SLC14A2: variants seen among roughly 807,000 people sequenced by gnomAD.
The protein encoded by SLC14A2 is urea transporter 2.
SLC14A2 carries 91 observed loss-of-function variants against 104.6 expected under a neutral mutation model. That is an observed-to-expected ratio of 0.87 (90% CI 0.73 to 1.04). The LOEUF is 1.04. Among genes scored for constraint, SLC14A2 ranks in the 50% least tolerant of loss-of-function variants. The probability of loss-of-function intolerance (pLI) is 0.00; values close to 1 mark genes in which losing one functional copy is unlikely to be tolerated. For missense variants in SLC14A2, 1,189 were observed against 1,156.0 expected (o/e 1.03, Z -0.41); for synonymous variants, 476 against 466.4 (o/e 1.02, Z -0.27).
At chr18:45,345,857 A>T (rs1245662580) in intron 1 of SLC14A2, among the ~76,000 whole-genome samples, 3 of 152,234 alleles carry the variant, frequency 2.0e-5, no homozygotes, top group Non-Finnish European at 4.4e-5. Flanking sequence ...AATATAGAAA[A>T]TGTGCATATT....
upstream of SLC14A2, among the ~76,000 whole-genome samples, chr18:45,613,920 A>C (rs2045015886): frequency 6.6e-6 from 1 of 152,250 alleles, no homozygotes; most frequent in Non-Finnish European, 1.5e-5. Flanking sequence ...GGAGAAATTC[A>C]AGCTGGCTGC....
At chr18:45,219,045 G>A (rs1010498045) in intron 1 of SLC14A2, among the ~76,000 whole-genome samples, 2 of 152,092 alleles carry the variant, frequency 1.3e-5, no homozygotes, top group Admixed American at 1.3e-4. Flanking sequence ...AAAAGTCAGG[G>A]CATCTGAAAA....
intron 18 of SLC14A2, among the ~76,000 whole-genome samples, chr18:45,678,150 T>C (rs1476961282): frequency 6.6e-6 from 1 of 152,168 alleles, no homozygotes; most frequent in Admixed American, 6.5e-5. Flanking sequence ...CATCTACTCT[T>C]CCACCTTGAA....
intron 1 of SLC14A2, among the ~76,000 whole-genome samples, chr18:45,301,177 C>A (rs111465220): frequency 3.1e-4 from 47 of 152,314 alleles, no homozygotes; most frequent in African/African-American, 1.1e-3. Context: ...TAACAGCATT[C>A]CACTTTAGAG....
intron 1 of SLC14A2, among the ~76,000 whole-genome samples, chr18:45,451,243 G>A (rs1186069982): frequency 1.3e-5 from 2 of 152,080 alleles, no homozygotes; most frequent in East Asian, 1.9e-4. Flanking sequence ...AAAATAGGCA[G>A]GGCCCTGAAA....
At chr18:45,602,749 G>A (rs2044810530) in intron 2 of SLC14A2, among the ~76,000 whole-genome samples, 1 of 152,176 alleles carries the variant, frequency 6.6e-6, no homozygotes, top group Admixed American at 6.5e-5. Context: ...CTGCTTCCTT[G>A]TGGTAAAATG....
intron 1 of SLC14A2, among the ~76,000 whole-genome samples, chr18:45,353,706 G>A (rs1231661334): frequency 2.6e-5 from 4 of 152,158 alleles, no homozygotes; most frequent in East Asian, 3.8e-4. Flanking sequence ...GGGCTGGTGC[G>A]TTTGAGAGAG....
At chr18:45,184,634 C>T in the SLC14A2 span, among the ~76,000 whole-genome samples, 82 of 152,030 alleles carry the variant, frequency 5.4e-4, no homozygotes, top group African/African-American at 2.0e-3. Context: ...CAATAGAAAA[C>T]CACTTTTTAA....
At chr18:45,569,219 C>T (rs1343334912) in intron 2 of SLC14A2, among the ~76,000 whole-genome samples, 3 of 152,346 alleles carry the variant, frequency 2.0e-5, no homozygotes, top group African/African-American at 7.2e-5. Context: ...CTTCACCCAT[C>T]CTTACCTCCA....
At chr18:45,523,314 A>G (rs1448708340) in intron 2 of SLC14A2, among the ~76,000 whole-genome samples, 1 of 151,328 alleles carries the variant, frequency 6.6e-6, no homozygotes, top group Non-Finnish European at 1.5e-5. Context: ...TCCCATCACC[A>G]GGTTTTTTTT....
intron 1 of SLC14A2, among the ~76,000 whole-genome samples, chr18:45,222,309 G>A (rs990523076): frequency 2.0e-5 from 3 of 152,176 alleles, no homozygotes; most frequent in South Asian, 2.1e-4. Context: ...GCTCCATCTG[G>A]TCTCAGTACT....
chr18:45,386,417 T>C (rs901459365), intron 1 of SLC14A2, among the ~76,000 whole-genome samples: 1 of 152,170 alleles, frequency 6.6e-6, no homozygotes, highest in East Asian at 1.9e-4. Flanking sequence ...AGGAGGGTCT[T>C]GCAAAACCAA....
At chr18:45,490,993 C>T (rs1287939753) in intron 2 of SLC14A2, among the ~76,000 whole-genome samples, 2 of 152,210 alleles carry the variant, frequency 1.3e-5, no homozygotes, top group Non-Finnish European at 2.9e-5. Flanking sequence ...GAAATGGGCA[C>T]TGCCATCCTA....
chr18:45,570,206 A>AATT (rs1341926674), intron 2 of SLC14A2, among the ~76,000 whole-genome samples: 1 of 152,070 alleles, frequency 6.6e-6, no homozygotes, highest in African/African-American at 2.4e-5. Flanking sequence ...CTCCATCCCT[A>AATT]ATTTTCCATG....
At chr18:45,445,848 C>A (rs552781646) in intron 1 of SLC14A2, among the ~76,000 whole-genome samples, 1 of 152,276 alleles carries the variant, frequency 6.6e-6, no homozygotes, top group South Asian at 2.1e-4. Context: ...TCTTAGAATT[C>A]TCTTTGAGCT....
chr18:45,547,604 T>C (rs139766862), intron 2 of SLC14A2, among the ~76,000 whole-genome samples: 157 of 152,338 alleles, frequency 1.0e-3, no homozygotes, highest in Admixed American at 2.4e-3. Context: ...CAGCCCCTTG[T>C]GGGCCTTCTG....
upstream of SLC14A2, among the ~76,000 whole-genome samples, chr18:45,212,016 C>A (rs7232554): frequency 0.11 from 16,529 of 152,050 alleles, 921 homozygotes; most frequent in Non-Finnish European, 0.12. Context: ...AGTTAATATT[C>A]TTTTAAATGA....
intron 2 of SLC14A2, among the ~76,000 whole-genome samples, chr18:45,561,806 G>T (rs998664774): frequency 1.3e-5 from 2 of 152,040 alleles, no homozygotes; most frequent in African/African-American, 4.8e-5. Context: ...TGTCGATATG[G>T]CACTGAATTT....
At chr18:45,277,937 G>C (rs1449497121) in intron 1 of SLC14A2, among the ~76,000 whole-genome samples, 1 of 152,110 alleles carries the variant, frequency 6.6e-6, no homozygotes, top group Non-Finnish European at 1.5e-5. Flanking sequence ...CTCCCAGTAA[G>C]TACACGCTGC....
Sources: gnomAD v4.1 joint callset for allele counts (sites outside exome capture counted in the v4.1 genomes callset) on GRCh38, gnomAD v4.1.1 for gene constraint, MANE v1.5 for transcripts, NCBI Gene and HGNC (gene_info 2026-07-23, HGNC 2026-07-21) for gene names.